ACTR3C: variants seen among roughly 807,000 people sequenced by gnomAD.
The protein encoded by ACTR3C is actin related protein 3C, also known as actin-related protein 3C.
ACTR3C carries 18 observed loss-of-function variants against 26.3 expected under a neutral mutation model. That is an observed-to-expected ratio of 0.68 (90% CI 0.47 to 1.01). The LOEUF (loss-of-function observed/expected upper bound fraction) is 1.01. Ranked by LOEUF, ACTR3C falls within the 50% of genes least tolerant of loss-of-function variation. The pLI, the probability that ACTR3C is intolerant of heterozygous loss-of-function variation, is 0.00. For missense variants in ACTR3C, 184 were observed against 250.7 expected (o/e 0.73, Z 1.80); for synonymous variants, 55 against 94.5 (o/e 0.58, Z 2.42).
chr7:150,222,092 T>A, the ACTR3C span, among the ~76,000 whole-genome samples: 1 of 152,110 alleles, frequency 6.6e-6, no homozygotes, highest in African/African-American at 2.4e-5. Context: ...TTGCTGATAT[T>A]CATGGTCATT....
At chr7:150,222,469 C>A in the ACTR3C span, among the ~76,000 whole-genome samples, 156 of 151,698 alleles carry the variant, frequency 1.0e-3, 3 homozygotes, top group East Asian at 0.026. Context: ...CAACTGCCTG[C>A]AACAATTGCT....
chr7:149,887,354 T>C, the ACTR3C span, among the ~76,000 whole-genome samples: 2 of 152,190 alleles, frequency 1.3e-5, no homozygotes, highest in African/African-American at 4.8e-5. Flanking sequence ...CAAACAGCAA[T>C]GTAACCTCCT....
the ACTR3C span, among the ~76,000 whole-genome samples, chr7:150,195,991 C>T: frequency 1.3e-5 from 2 of 152,168 alleles, no homozygotes; most frequent in Non-Finnish European, 2.9e-5. Flanking sequence ...TCTTTCTTTT[C>T]CCTGTGGGTG....
chr7:149,965,580 A>G, the ACTR3C span, among the ~76,000 whole-genome samples: 1 of 151,844 alleles, frequency 6.6e-6, no homozygotes. Flanking sequence ...TGAAGGGAAA[A>G]GGCCTTTGAG....
At chr7:149,882,366 C>T in the ACTR3C span, among the ~76,000 whole-genome samples, 1 of 152,128 alleles carries the variant, frequency 6.6e-6, no homozygotes, top group African/African-American at 2.4e-5. Context: ...TCTCACTGAG[C>T]CCCCTGGGTG....
At chr7:150,075,597 A>G in the ACTR3C span, among the ~76,000 whole-genome samples, 18 of 152,302 alleles carry the variant, frequency 1.2e-4, no homozygotes, top group East Asian at 1.5e-3. Flanking sequence ...AATCGACACT[A>G]TTTTAGAGCT....
At chr7:150,199,639 TA>T in the ACTR3C span, among the ~76,000 whole-genome samples, 13,679 of 77,000 alleles carry the variant, frequency 0.18, 1,415 homozygotes, top group African/African-American at 0.35. Flanking sequence ...TAAATAAAAA[TA>T]AAAAAAAATA....
At chr7:150,036,796 C>T in the ACTR3C span, among the ~76,000 whole-genome samples, 4 of 135,300 alleles carry the variant, frequency 3.0e-5, no homozygotes, top group Admixed American at 7.0e-5. Context: ...TAATTGGACA[C>T]CTAACACCCA....
chr7:149,920,190 G>A, the ACTR3C span, among the ~76,000 whole-genome samples: 2 of 152,074 alleles, frequency 1.3e-5, no homozygotes, highest in African/African-American at 4.8e-5. Flanking sequence ...TTTCAGTGAG[G>A]TTTATGAATG....
In ACTR3C at chr7:150,323,269, T is replaced by C. The variant is rs564048619; in HGVS notation, c.-52+200A>G. 13 of 247,736 alleles carry C rather than the reference T, an allele frequency of 5.2e-5. No homozygotes were observed. In the East Asian group the frequency reaches 9.1e-4, roughly 17 times the overall value. 15.3% of individuals were successfully genotyped at this position (247,736 alleles called of 1,614,324 possible). On this transcript the variant is annotated intron_variant, in intron 1 of 7. Transcript: ENST00000683684. ...GGTGCGCGCGAAGACCCCCGCAGGC[T>C]GCGCTTCCGGAAGTAACCCCTGGCG...
At chr7:150,257,679 A>C (rs899796181) in intron 6 of ACTR3C, among the ~76,000 whole-genome samples, 2 of 152,250 alleles carry the variant, frequency 1.3e-5, no homozygotes, top group African/African-American at 4.8e-5. Context: ...CCCAATACTC[A>C]GCAGAATGGA....
the ACTR3C span, among the ~76,000 whole-genome samples, chr7:150,140,260 G>A: frequency 6.6e-6 from 1 of 152,172 alleles, no homozygotes; most frequent in African/African-American, 2.4e-5. Flanking sequence ...CATTCCTACA[G>A]CTTTTTCCTA....
At chr7:150,077,777 G>A in the ACTR3C span, among the ~76,000 whole-genome samples, 1 of 152,224 alleles carries the variant, frequency 6.6e-6, no homozygotes, top group Non-Finnish European at 1.5e-5. Flanking sequence ...GTCTGAGGAA[G>A]ACAAGCTCCA....
chr7:149,996,596 A>C, the ACTR3C span, among the ~76,000 whole-genome samples: 2 of 152,090 alleles, frequency 1.3e-5, no homozygotes, highest in East Asian at 3.9e-4. Context: ...TAAATAAATA[A>C]ATAAAAAATA....
At chr7:149,990,156 G>A in the ACTR3C span, among the ~76,000 whole-genome samples, 2 of 151,980 alleles carry the variant, frequency 1.3e-5, no homozygotes, top group African/African-American at 4.8e-5. Context: ...CCTGTGCCTG[G>A]GTTGTCAGTG....
chr7:150,019,147 T>C, the ACTR3C span, among the ~76,000 whole-genome samples: 2 of 150,352 alleles, frequency 1.3e-5, no homozygotes, highest in East Asian at 1.9e-4. Context: ...AGAGATGATA[T>C]ATAAAATACA....
At chr7:150,014,894 T>C in the ACTR3C span, among the ~76,000 whole-genome samples, 11 of 152,046 alleles carry the variant, frequency 7.2e-5, no homozygotes, top group South Asian at 1.7e-3. Flanking sequence ...CCAAAAGCCA[T>C]GCTTTCCTCT....
At chr7:149,948,822 C>G in the ACTR3C span, among the ~76,000 whole-genome samples, 6,767 of 149,166 alleles carry the variant, frequency 0.045, 222 homozygotes, top group African/African-American at 0.15. Flanking sequence ...ACGGTCCGCT[C>G]TGGCTCCTAA....
At chr7:149,989,621 T>A in the ACTR3C span, among the ~76,000 whole-genome samples, 4 of 152,380 alleles carry the variant, frequency 2.6e-5, no homozygotes, top group African/African-American at 9.6e-5. Context: ...CCTGCTTTTT[T>A]AAGGCTGCAT....
Sources: allele counts gnomAD v4.1 joint callset (sites outside exome capture counted in the v4.1 genomes callset), GRCh38; gene constraint gnomAD v4.1.1; transcripts MANE v1.5; gene names NCBI Gene and HGNC (gene_info 2026-07-23, HGNC 2026-07-21).